The following FNDC3B variants were observed in gnomAD, a reference collection of about 807,000 sequenced individuals.
FNDC3B encodes fibronectin type III domain containing 3B.
FNDC3B carries 12 observed loss-of-function variants against 151.5 expected under a neutral mutation model. The observed-to-expected ratio is 0.08, with a 90% confidence interval of 0.05 to 0.13. FNDC3B has a LOEUF of 0.13. Among genes scored for constraint, FNDC3B ranks in the 10% least tolerant of loss-of-function variants. The pLI, the probability that FNDC3B is intolerant of heterozygous loss-of-function variation, is 1.00. For missense variants in FNDC3B, 1,214 were observed against 1,505.3 expected, an observed-to-expected ratio of 0.81 and a Z score of 3.20; for synonymous variants, 528 against 549.0, an observed-to-expected ratio of 0.96 and a Z score of 0.54.
chr3:172,310,692 C>A, intron 10 of FNDC3B, 136 bp from the exon 11 acceptor site: 1 of 722,024 alleles, frequency 1.4e-6, no homozygotes. Context: ...GACCAAGGAA[C>A]GCAGGAACCA....
rs73167211 is a variant in FNDC3B at position 172,133,911 on chromosome 3, C to T, written c.187+365C>T. On this transcript the variant is annotated intron_variant, in intron 3 of 25. Coordinates refer to ENST00000415807, the MANE Select transcript of FNDC3B (RefSeq NM_022763.4). Reference sequence around the variant, plus strand: ...GAGAAGTGGAGGGAGCTTATGTTACCGCAGCTGGCTTCAGAGCCAATAACT... The same window carrying T: ...GAGAAGTGGAGGGAGCTTATGTTACTGCAGCTGGCTTCAGAGCCAATAACT... 4.2e-3 allele frequency among the ~76,000 whole-genome samples: 638 copies of T among 152,136 alleles called. 6 individuals carry two copies. The highest frequency in any genetic ancestry group is 0.024 in the South Asian group (114 of 4,808).
At chr3:172,196,399 C>T (rs867321608) in intron 3 of FNDC3B, among the ~76,000 whole-genome samples, 1 of 152,012 alleles carries the variant, frequency 6.6e-6, no homozygotes, top group Admixed American at 6.6e-5. Context: ...GTTGCCTAGG[C>T]TGGTCTCAAA....
At chr3:172,124,413 C>T (rs1720706924) in intron 2 of FNDC3B, among the ~76,000 whole-genome samples, 2 of 152,194 alleles carry the variant, frequency 1.3e-5, no homozygotes, top group Non-Finnish European at 2.9e-5. Context: ...TTTAAAGAGC[C>T]TCCATTAACA....
chr3:172,128,441 C>T (rs976149089), intron 2 of FNDC3B, among the ~76,000 whole-genome samples: 5 of 152,052 alleles, frequency 3.3e-5, no homozygotes, highest in African/African-American at 1.2e-4. Context: ...GCTTACTTTT[C>T]AGTTTTGCCT....
intron 3 of FNDC3B, among the ~76,000 whole-genome samples, chr3:172,173,645 AAT>A (rs1723393354): frequency 6.6e-6 from 1 of 151,344 alleles, no homozygotes. Flanking sequence ...AAAAAAAAAA[AAT>A]TAAAAAAATT....
intron 3 of FNDC3B, among the ~76,000 whole-genome samples, chr3:172,223,741 A>G (rs948103606): frequency 1.3e-5 from 2 of 152,216 alleles, no homozygotes; most frequent in African/African-American, 4.8e-5. Flanking sequence ...TTTATGTTGC[A>G]TGGGTGTGGA....
intron 9 of FNDC3B, 147 bp from the exon 10 acceptor site, chr3:172,307,216 C>T (rs1352405399): frequency 1.3e-6 from 1 of 796,022 alleles, no homozygotes; most frequent in Non-Finnish European, 2.1e-6. Flanking sequence ...TAGGTCAGGA[C>T]AAGACCAACA....
At chr3:172,108,422 C>T (rs1719783256) in intron 1 of FNDC3B, among the ~76,000 whole-genome samples, 2 of 152,194 alleles carry the variant, frequency 1.3e-5, no homozygotes, top group African/African-American at 4.8e-5. Flanking sequence ...GGATGAAAGC[C>T]TTCCACATCC....
chr3:172,280,113 C>T (rs1002643668), intron 6 of FNDC3B, among the ~76,000 whole-genome samples: 1 of 152,190 alleles, frequency 6.6e-6, no homozygotes, highest in Non-Finnish European at 1.5e-5. Context: ...TGGGGTCTTA[C>T]TATGTTGCTT....
intron 11 of FNDC3B, chr3:172,316,418 G>GA (rs201890372): frequency 4.2e-3 from 1,600 of 380,412 alleles, no homozygotes; most frequent in African/African-American, 5.9e-3. Flanking sequence ...GGGCTTTTAG[G>GA]AAAAAAAAAA....
chr3:172,171,285 A>AT (rs149541226), intron 3 of FNDC3B, among the ~76,000 whole-genome samples: 3,178 of 152,294 alleles, frequency 0.021, 114 homozygotes, highest in African/African-American at 0.073. Context: ...AAAAGCATGT[A>AT]TTTATCTTCT....
At chr3:172,344,986 C>G (rs1733532239) in intron 19 of FNDC3B, among the ~76,000 whole-genome samples, 1 of 152,066 alleles carries the variant, frequency 6.6e-6, no homozygotes, top group Non-Finnish European at 1.5e-5. Flanking sequence ...ATGCCCCGTC[C>G]AAAGTGCCAG....
intron 1 of FNDC3B, among the ~76,000 whole-genome samples, chr3:172,091,723 G>C (rs1166411725): frequency 6.6e-6 from 1 of 152,170 alleles, no homozygotes; most frequent in Admixed American, 6.5e-5. Flanking sequence ...ATCTTCAAAA[G>C]TTGGCTTTTA....
chr3:172,324,646 G>T (rs888505932), intron 11 of FNDC3B, among the ~76,000 whole-genome samples: 10 of 152,170 alleles, frequency 6.6e-5, no homozygotes, highest in African/African-American at 2.2e-4. Context: ...GTTGCAAAAT[G>T]GAAACAAGCC....
At chr3:172,161,500 G>T (rs1404550619) in intron 3 of FNDC3B, among the ~76,000 whole-genome samples, 1 of 152,166 alleles carries the variant, frequency 6.6e-6, no homozygotes, top group African/African-American at 2.4e-5. Flanking sequence ...AAAACCTATT[G>T]ATTACCAGAC....
intron 3 of FNDC3B, among the ~76,000 whole-genome samples, chr3:172,174,941 C>CCG (rs1387838518): frequency 1.6e-5 from 1 of 64,476 alleles, no homozygotes; most frequent in Non-Finnish European, 4.3e-5. Flanking sequence ...CCACCCCCCC[C>CCG]CCCCCAATAC....
Position 172,050,729 on chromosome 3 carries a change from G to A in FNDC3B, c.-29+10958G>A, listed in dbSNP as rs1458094629. Among the ~76,000 whole-genome samples the A allele has an allele frequency of 2.4e-4, 35 of 148,132 alleles. 1 individual carries two copies. The Admixed American group carries it at 2.4e-3, about 10-fold the overall frequency. ...TGTGTGTGTGTGTGTGTGTGTGTGT[G>A]TGTGTATAGTGTGTATATATACTAT... On this transcript the variant is annotated intron_variant, in intron 1 of 25. Transcript: ENST00000415807.
chr3:172,226,851 A>G lies in FNDC3B; in HGVS notation c.188-20A>G. ...AATGTATGTTTCTTCAGCTATTAAC[A>G]TCTGACTCGTCTGTTTTAGGACCTG... On this transcript the variant is annotated intron_variant, in intron 3 of 25. Coordinates refer to ENST00000415807, the MANE Select transcript of FNDC3B (RefSeq NM_022763.4). 6.6e-7 allele frequency: 1 copy of G among 1,514,852 alleles called. No individual in the cohort carries two copies. The highest frequency in any genetic ancestry group is 9.2e-7 in the Non-Finnish European group (1 of 1,089,502). The allele number at this position is 1,514,852 out of a possible 1,614,324, so 93.8% of individuals were successfully genotyped here.
At chr3:172,160,314 G>A (rs897738136) in intron 3 of FNDC3B, among the ~76,000 whole-genome samples, 17 of 152,184 alleles carry the variant, frequency 1.1e-4, no homozygotes, top group African/African-American at 4.1e-4. Flanking sequence ...TACAGGGGCG[G>A]AGCTGCCTCT....
Sources: allele counts gnomAD v4.1 joint callset (sites outside exome capture counted in the v4.1 genomes callset), GRCh38; gene constraint gnomAD v4.1.1; transcripts MANE v1.5; gene names NCBI Gene and HGNC (gene_info 2026-07-23, HGNC 2026-07-21).